NLGN1: variants seen among roughly 807,000 people sequenced by gnomAD.
The protein encoded by NLGN1 is neuroligin 1, also known as neuroligin-1.
NLGN1 carries 12 observed loss-of-function variants against 65.5 expected under a neutral mutation model. That is an observed-to-expected ratio of 0.18 (90% confidence interval 0.12 to 0.30). The LOEUF (loss-of-function observed/expected upper bound fraction) is 0.30. Ranked by LOEUF, NLGN1 falls within the 10% of genes least tolerant of loss-of-function variation. The probability of loss-of-function intolerance (pLI) is 1.00; values close to 1 mark genes in which losing one functional copy is unlikely to be tolerated. For missense variants in NLGN1, 750 were observed against 1,007.1 expected, an observed-to-expected ratio of 0.74 and a Z score of 3.46; for synonymous variants, 350 against 359.5, an observed-to-expected ratio of 0.97 and a Z score of 0.30.
chr3:173,498,211 C>A (rs1018616130), intron 2 of NLGN1, among the ~76,000 whole-genome samples: 16 of 151,716 alleles, frequency 1.1e-4, no homozygotes, highest in African/African-American at 3.9e-4. Context: ...CCACTCCCCC[C>A]ACCCCACAAC....
At chr3:173,715,004 C>CA (rs1355964393) in intron 3 of NLGN1, among the ~76,000 whole-genome samples, 1 of 151,996 alleles carries the variant, frequency 6.6e-6, no homozygotes, top group African/African-American at 2.4e-5. Context: ...TGGAAGGAGG[C>CA]AAAGTTTCCA....
chr3:174,191,783 TTTTGTTTGTTTG>T (rs139387413), intron 4 of NLGN1, among the ~76,000 whole-genome samples: 5 of 151,904 alleles, frequency 3.3e-5, no homozygotes, highest in Admixed American at 2.6e-4. Context: ...TTTCAGGTTG[TTTTGTTTGTTTG>T]TTTGTTTGTT....
At chr3:173,496,565 A>G (rs1349170254) in intron 2 of NLGN1, among the ~76,000 whole-genome samples, 1 of 151,828 alleles carries the variant, frequency 6.6e-6, no homozygotes, top group Non-Finnish European at 1.5e-5. Context: ...GACCACCTAT[A>G]TGGATTCTTC....
chr3:173,566,097 A>T (rs1186415754), intron 2 of NLGN1, among the ~76,000 whole-genome samples: 2 of 152,142 alleles, frequency 1.3e-5, no homozygotes, highest in Non-Finnish European at 2.9e-5. Context: ...TTGTGAGGAG[A>T]CGTAAGCCTG....
At chr3:173,989,449 T>C (rs894410371) in intron 4 of NLGN1, among the ~76,000 whole-genome samples, 9 of 152,176 alleles carry the variant, frequency 5.9e-5, no homozygotes, top group African/African-American at 1.9e-4. Flanking sequence ...CTTTCTGATG[T>C]TTCTTTTTCT....
At position 173,847,133 on chromosome 3, in the gene NLGN1, A is replaced by T. The variant is rs577222373; in HGVS notation, c.646+39301A>T. Among the ~76,000 whole-genome samples, 11 of 152,274 alleles carry T rather than the reference A, an allele frequency of 7.2e-5. 1 individual carries two copies. The highest frequency in any genetic ancestry group is 2.6e-4 in the African/African-American group (11 of 41,570). On this transcript the variant is annotated intron_variant, in intron 4 of 6. Transcript: ENST00000457714. The stretch of plus-strand genomic sequence containing the variant: ...ATGCCTCTCCTAAATGTATTCCTTT[A>T]TCTGATTAAATGATTAAAGAGCCAC...
intron 2 of NLGN1, among the ~76,000 whole-genome samples, chr3:173,562,398 C>T (rs919299223): frequency 2.0e-5 from 3 of 152,044 alleles, no homozygotes; most frequent in African/African-American, 4.8e-5. Context: ...GAAACCTCTT[C>T]TCTATTAAAA....
intron 3 of NLGN1, among the ~76,000 whole-genome samples, chr3:173,779,567 G>A (rs1560352874): frequency 6.6e-6 from 1 of 152,014 alleles, no homozygotes. Flanking sequence ...GATAAAGTTG[G>A]CATGGTCTTT....
At chr3:174,214,087 G>A (rs779330266) in intron 4 of NLGN1, among the ~76,000 whole-genome samples, 2 of 151,974 alleles carry the variant, frequency 1.3e-5, no homozygotes, top group Non-Finnish European at 2.9e-5. Flanking sequence ...GTTACTCTGA[G>A]GGTATTAGCT....
chr3:173,464,842 A>C (rs1367406816), intron 2 of NLGN1, among the ~76,000 whole-genome samples: 1 of 151,944 alleles, frequency 6.6e-6, no homozygotes, highest in African/African-American at 2.4e-5. Flanking sequence ...TTAGTCTTCA[A>C]ATGACCTATT....
rs536203200 is a variant in NLGN1 at position 173,852,183 on chromosome 3, T to C, written c.646+44351T>C. ...CATCCTGGCTAACACGGTGAAACCC[T>C]GTCTCTACTAAAAATACAAAAAATT... On this transcript the variant is annotated intron_variant, in intron 4 of 6. Transcript: ENST00000457714. 1.6e-3 allele frequency among the ~76,000 whole-genome samples: 237 copies of C among 150,698 alleles called. 1 individual carries two copies. Among genetic ancestry groups the C allele is most frequent in the East Asian group, 0.013 (67 of 5,048 alleles).
intron 3 of NLGN1, among the ~76,000 whole-genome samples, chr3:173,643,135 A>C (rs189867130): frequency 5.4e-4 from 83 of 152,320 alleles, no homozygotes; most frequent in African/African-American, 2.0e-3. Context: ...GAAACGGAGA[A>C]AAGAAAATTT....
intron 3 of NLGN1, among the ~76,000 whole-genome samples, chr3:173,735,121 T>A (rs956924173): frequency 2.0e-5 from 3 of 152,130 alleles, no homozygotes; most frequent in Non-Finnish European, 4.4e-5. Flanking sequence ...TTAATTTGCA[T>A]GTCCATAGTA....
intron 4 of NLGN1, among the ~76,000 whole-genome samples, chr3:174,039,441 A>G (rs1010896722): frequency 2.0e-5 from 3 of 151,844 alleles, no homozygotes; most frequent in Non-Finnish European, 4.4e-5. Flanking sequence ...ATCCTCCGAC[A>G]GGCCCCAGTG....
Position 173,766,888 on chromosome 3 carries a change from C to G in NLGN1, c.494-40792C>G, listed in dbSNP as rs1463388843. 2.6e-5 allele frequency among the ~76,000 whole-genome samples: 4 copies of G among 152,042 alleles called. No homozygotes were observed. In the South Asian group the frequency reaches 6.2e-4, roughly 24 times the overall value. On this transcript the variant is annotated intron_variant, in intron 3 of 6. Transcript: ENST00000457714. ...ACAGAGTATCATTAAATAACATGAG[C>G]TAATATGCAAAATGATTATTACAAA...
chr3:173,830,117 GAT>G (rs1722238428), intron 4 of NLGN1, among the ~76,000 whole-genome samples: 1 of 152,086 alleles, frequency 6.6e-6, no homozygotes, highest in Non-Finnish European at 1.5e-5. Flanking sequence ...CATGTGAAGA[GAT>G]ATCTTTTTAA....
At chr3:173,945,839 C>T (rs991554937) in intron 4 of NLGN1, among the ~76,000 whole-genome samples, 2 of 152,186 alleles carry the variant, frequency 1.3e-5, no homozygotes, top group Non-Finnish European at 2.9e-5. Context: ...ATCTTCCACT[C>T]TATATGTTGC....
intron 4 of NLGN1, among the ~76,000 whole-genome samples, chr3:174,257,902 T>TTATATATA (rs146056725): frequency 2.3e-4 from 34 of 147,812 alleles, no homozygotes; most frequent in South Asian, 1.7e-3. Flanking sequence ...TTATATCTCC[T>TTATATATA]TATATATATA....
At chr3:173,699,725 T>A (rs1174392679) in intron 3 of NLGN1, among the ~76,000 whole-genome samples, 1 of 152,176 alleles carries the variant, frequency 6.6e-6, no homozygotes, top group Non-Finnish European at 1.5e-5. Context: ...ATTTTATGTT[T>A]TAAGGTTTAG....
Sources: gnomAD v4.1 joint callset for allele counts (sites outside exome capture counted in the v4.1 genomes callset) on GRCh38, gnomAD v4.1.1 for gene constraint, MANE v1.5 for transcripts, NCBI Gene and HGNC (gene_info 2026-07-23, HGNC 2026-07-21) for gene names.